PCDHA6: variants seen among roughly 807,000 people sequenced by gnomAD.
PCDHA6 encodes the protein protocadherin alpha 6.
A neutral mutation model predicts 60.3 loss-of-function variants in PCDHA6; 55 were observed. That is an observed-to-expected ratio of 0.91 (90% CI 0.73 to 1.14). PCDHA6 has a LOEUF of 1.14. Ranked by LOEUF, PCDHA6 falls within the 50% of genes most tolerant of loss-of-function variation. The pLI is 0.00. For missense variants in PCDHA6, 1,327 were observed against 1,256.5 expected, an observed-to-expected ratio of 1.06 and a Z score of -0.85; for synonymous variants, 652 against 557.9, an observed-to-expected ratio of 1.17 and a Z score of -2.38.
At chr5:140,852,901 CA>C in intron 1 of PCDHA6, 4 of 823,926 alleles carry the variant, frequency 4.9e-6, no homozygotes, top group Non-Finnish European at 6.0e-6. Context: ...TTTTTTGAGT[CA>C]GAGTCTCGCT....
chr5:140,859,506 C>A, intron 1 of PCDHA6: 1 of 197,142 alleles, frequency 5.1e-6, no homozygotes, highest in Non-Finnish European at 1.0e-5. Flanking sequence ...ACCTGATACC[C>A]ATGATTTCAT....
intron 1 of PCDHA6, among the ~76,000 whole-genome samples, chr5:140,961,914 C>T (rs192184): frequency 0.56 from 84,843 of 150,390 alleles, 24,472 homozygotes; most frequent in African/African-American, 0.69. Context: ...GATGGAGTCT[C>T]GCTCTGTTGC....
intron 1 of PCDHA6, among the ~76,000 whole-genome samples, chr5:140,957,103 A>G (rs1207553042): frequency 6.6e-6 from 1 of 152,168 alleles, no homozygotes; most frequent in Non-Finnish European, 1.5e-5. Flanking sequence ...ATTGCTATGG[A>G]CATGATTCTG....
intron 3 of PCDHA6, among the ~76,000 whole-genome samples, chr5:140,987,811 C>CT (rs1444999429): frequency 6.6e-6 from 1 of 152,100 alleles, no homozygotes; most frequent in East Asian, 1.9e-4. Flanking sequence ...GTGCCTGTCT[C>CT]TTTGTTTCCT....
At chr5:140,857,221 C>T in intron 1 of PCDHA6, 1 of 1,598,474 alleles carries the variant, frequency 6.3e-7, no homozygotes, top group South Asian at 1.1e-5. Context: ...TGACGCCTCA[C>T]GTTCCGTTCA....
chr5:140,950,741 C>G (rs149114023), intron 1 of PCDHA6, among the ~76,000 whole-genome samples: 2,002 of 152,118 alleles, frequency 0.013, 30 homozygotes, highest in South Asian at 0.028. Context: ...ATCCTAATTT[C>G]TCTCTATCCT....
At chr5:140,843,673 T>C (rs1779033196) in intron 1 of PCDHA6, 1 of 1,592,546 alleles carries the variant, frequency 6.3e-7, no homozygotes, top group South Asian at 1.1e-5. Flanking sequence ...GATCAGTTGA[T>C]GTAGGCGAAG....
chr5:140,927,702 C>T (rs533775539), intron 1 of PCDHA6: 2 of 1,614,210 alleles, frequency 1.2e-6, no homozygotes, highest in South Asian at 1.1e-5. Flanking sequence ...AAGTCCAGTA[C>T]TCCCTAAGCA....
chr5:140,874,903 C>A (rs543752012), intron 1 of PCDHA6, among the ~76,000 whole-genome samples: 1 of 152,054 alleles, frequency 6.6e-6, no homozygotes, highest in Non-Finnish European at 1.5e-5. Context: ...TAAAATCTTA[C>A]GATGGAGTGC....
chr5:140,973,754 G>A (rs2096600951), intron 1 of PCDHA6, among the ~76,000 whole-genome samples: 1 of 152,198 alleles, frequency 6.6e-6, no homozygotes, highest in South Asian at 2.1e-4. Flanking sequence ...CACTCTGCAG[G>A]GACACAGCCT....
At chr5:140,914,923 T>C (rs2076880546) in intron 1 of PCDHA6, among the ~76,000 whole-genome samples, 1 of 151,134 alleles carries the variant, frequency 6.6e-6, no homozygotes, top group Admixed American at 6.6e-5. Context: ...TGTCTTATTG[T>C]ACTATGTTGT....
At chr5:140,911,275 G>A (rs1048648150) in intron 1 of PCDHA6, among the ~76,000 whole-genome samples, 1 of 152,164 alleles carries the variant, frequency 6.6e-6, no homozygotes, top group Non-Finnish European at 1.5e-5. Context: ...AGTGTCCCCA[G>A]CTTCATCAGG....
At chr5:140,876,445 A>G in intron 1 of PCDHA6, 1 of 1,614,014 alleles carries the variant, frequency 6.2e-7, no homozygotes, top group Non-Finnish European at 8.5e-7. Context: ...CGCCATTGAT[A>G]AAGGGATTCC....
rs376929883 is a variant in PCDHA6 at position 140,967,867 on chromosome 5, C to T, written c.2395-11082C>T. Reference sequence around the variant, plus strand: ...ATGACAATGCCCCAGAGGTGGTGCTCACGGACCTGTATAGCCCAGTGCCTG... The same window carrying T: ...ATGACAATGCCCCAGAGGTGGTGCTTACGGACCTGTATAGCCCAGTGCCTG... On this transcript the variant is annotated intron_variant, in intron 1 of 3. Coordinates refer to ENST00000529310, the MANE Select transcript of PCDHA6 (RefSeq NM_018909.4). 48 of 1,614,012 alleles carry T rather than the reference C, an allele frequency of 3.0e-5. No individual in the cohort carries two copies. The African/African-American group carries it at 6.0e-4, about 20-fold the overall frequency.
At chr5:140,848,664 G>A (rs1470524559) in intron 1 of PCDHA6, 6 of 1,592,252 alleles carry the variant, frequency 3.8e-6, no homozygotes, top group Non-Finnish European at 4.3e-6. Context: ...GCTGGAGCTG[G>A]CGGAGCTGGT....
chr5:140,887,258 T>G (rs934733001), intron 1 of PCDHA6, among the ~76,000 whole-genome samples: 4 of 151,924 alleles, frequency 2.6e-5, no homozygotes, highest in East Asian at 1.9e-4. Context: ...CACCACGCCC[T>G]GCTAATTTTT....
intron 1 of PCDHA6, chr5:140,868,773 G>T: frequency 3.8e-6 from 1 of 263,102 alleles, no homozygotes. Flanking sequence ...GTTTCAATAT[G>T]ACTTATAATC....
chr5:140,872,973 T>C (rs1562677174), intron 1 of PCDHA6, among the ~76,000 whole-genome samples: 1 of 152,212 alleles, frequency 6.6e-6, no homozygotes, highest in African/African-American at 2.4e-5. Flanking sequence ...ATCTGAAGAT[T>C]TGAGCAAAGA....
At chr5:140,833,391 C>T (rs139841955) in intron 1 of PCDHA6, among the ~76,000 whole-genome samples, 1 of 152,258 alleles carries the variant, frequency 6.6e-6, no homozygotes, top group Non-Finnish European at 1.5e-5. Flanking sequence ...TGAAATACCT[C>T]AAGACTTGAT....
Sources: allele counts gnomAD v4.1 joint callset (sites outside exome capture counted in the v4.1 genomes callset), GRCh38; gene constraint gnomAD v4.1.1; transcripts MANE v1.5; gene names NCBI Gene and HGNC (gene_info 2026-07-23, HGNC 2026-07-21).